The following ATP2B4 variants were observed in gnomAD, a reference collection of about 807,000 sequenced individuals.
ATP2B4 encodes the protein plasma membrane calcium-transporting ATPase 4.
In ATP2B4, 39 loss-of-function variants were observed where a neutral mutation model predicts 110.3. That is an observed-to-expected ratio of 0.35 (90% CI 0.27 to 0.46). ATP2B4 has a LOEUF of 0.46. Ranked by LOEUF, ATP2B4 falls within the 20% of genes least tolerant of loss-of-function variation. The pLI is 1.00. For synonymous variants in ATP2B4, 538 were observed against 571.7 expected, an observed-to-expected ratio of 0.94 and a Z score of 0.84; for missense variants, 1,135 against 1,530.9, an observed-to-expected ratio of 0.74 and a Z score of 4.32.
intron 20 of ATP2B4, 116 bp downstream of exon 20, chr1:203,727,687 C>G: frequency 4.7e-6 from 6 of 1,278,790 alleles, no homozygotes; most frequent in Middle Eastern, 2.8e-4. Context: ...AGGCTCACTA[C>G]TGATGGGCAG....
Position 203,739,794 on chromosome 1 carries a change from C to T in ATP2B4, c.3558C>T (p.Cys1186=), listed in dbSNP as rs777504310. The T allele has an allele frequency of 6.2e-7, 1 of 1,614,200 alleles. No homozygotes were observed. The highest frequency in any genetic ancestry group is 8.5e-7 in the Non-Finnish European group (1 of 1,180,032). ...ATACAAACAACAATGCGGTGGATTGCAACCAAGTGCAGCTCCCCCAGTCGG... is the reference window on the plus strand; with the variant it reads ...ATACAAACAACAATGCGGTGGATTGTAACCAAGTGCAGCTCCCCCAGTCGG... ...YANTNNNAVD[C]NQVQLPQSDS... is the part of the protein sequence containing the mutation. Residue 1186 remains cysteine (C), a synonymous_variant, in exon 21 of 21, where the codon TGC becomes TGT. Coordinates refer to ENST00000357681, the MANE Select transcript of ATP2B4 (RefSeq NM_001684.5).
chr1:203,687,997 T>TGATG (rs1558034473), intron 2 of ATP2B4, among the ~76,000 whole-genome samples: 12 of 52,960 alleles, frequency 2.3e-4, no homozygotes, highest in African/African-American at 8.9e-4. Flanking sequence ...AGAAAGAGAT[T>TGATG]ATTATTATTA....
At chr1:203,672,324 C>CTTTTTTTTTT (rs57144862) in intron 1 of ATP2B4, among the ~76,000 whole-genome samples, 8 of 79,624 alleles carry the variant, frequency 1.0e-4, no homozygotes, top group South Asian at 6.2e-4. Flanking sequence ...TGCGGTGGCT[C>CTTTTTTTTTT]TTTTTTTTTT....
intron 13 of ATP2B4, among the ~76,000 whole-genome samples, chr1:203,712,836 C>A (rs1666051513): frequency 6.6e-6 from 1 of 152,058 alleles, no homozygotes; most frequent in African/African-American, 2.4e-5. Flanking sequence ...GAAATCAAAC[C>A]TAAGACCTCA....
chr1:203,683,435 G>A (rs1275785465), intron 2 of ATP2B4, 37 bp downstream of exon 2: 2 of 1,533,272 alleles, frequency 1.3e-6, no homozygotes, highest in Non-Finnish European at 1.8e-6. Context: ...TTGGAGGAAG[G>A]TGGCTAGTGT....
At chr1:203,732,623 C>T (rs1023868323) in intron 20 of ATP2B4, among the ~76,000 whole-genome samples, 19 of 152,054 alleles carry the variant, frequency 1.2e-4, no homozygotes, top group Admixed American at 1.1e-3. Context: ...CGCAAAAATA[C>T]GTAGTCGGTT....
intron 1 of ATP2B4, among the ~76,000 whole-genome samples, chr1:203,646,770 T>A (rs1370901393): frequency 3.3e-5 from 5 of 151,694 alleles, no homozygotes; most frequent in African/African-American, 7.3e-5. Flanking sequence ...TCAAAAAAAA[T>A]AAATAAAAAT....
At chr1:203,634,734 A>G (rs980611638) in intron 1 of ATP2B4, among the ~76,000 whole-genome samples, 3 of 151,498 alleles carry the variant, frequency 2.0e-5, no homozygotes, top group Non-Finnish European at 2.9e-5. Flanking sequence ...CACAATCACA[A>G]CTCACAGCAG....
intron 13 of ATP2B4, 104 bp downstream of exon 13, chr1:203,712,243 G>A: frequency 7.5e-7 from 1 of 1,330,008 alleles, no homozygotes; most frequent in Admixed American, 2.3e-5. Flanking sequence ...GGTTTCTAAA[G>A]TGAAAGCTAT....
chr1:203,729,992 G>A (rs376755967), intron 20 of ATP2B4, among the ~76,000 whole-genome samples: 33 of 152,242 alleles, frequency 2.2e-4, no homozygotes, highest in African/African-American at 7.7e-4. Flanking sequence ...TCCAGGAGAC[G>A]GCTTGGCCAG....
chr1:203,637,573 T>G (rs755212859), intron 1 of ATP2B4, among the ~76,000 whole-genome samples: 5 of 152,128 alleles, frequency 3.3e-5, no homozygotes, highest in Non-Finnish European at 7.4e-5. Context: ...CTGCAGAGAT[T>G]AGGTTTTCAT....
chr1:203,740,501 A>G lies in ATP2B4; in HGVS notation c.*647A>G, dbSNP rs572277518. On this transcript the variant is annotated 3_prime_UTR_variant, in exon 21 of 21. Coordinates refer to ENST00000357681, the MANE Select transcript of ATP2B4 (RefSeq NM_001684.5). ...TGGAAAGGATATGGATGAATTGTGT[A>G]AACTTAGATCCTTCTCCCTTTTGGC... 4.6e-5 allele frequency: 7 copies of G among 150,776 alleles called. No homozygotes were observed. In the South Asian group the frequency reaches 6.3e-4, roughly 14 times the overall value. 9.3% of individuals were successfully genotyped at this position (150,776 alleles called of 1,614,324 possible).
chr1:203,649,007 G>C (rs1009029095), intron 1 of ATP2B4, among the ~76,000 whole-genome samples: 2 of 152,094 alleles, frequency 1.3e-5, no homozygotes, highest in African/African-American at 4.8e-5. Context: ...TACAGGGTAA[G>C]GTAAGTGACA....
intron 1 of ATP2B4, among the ~76,000 whole-genome samples, chr1:203,674,637 C>CTTTTTTTTT (rs57153257): frequency 2.2e-5 from 1 of 46,228 alleles, no homozygotes; most frequent in African/African-American, 8.6e-5. Context: ...CCACACCTGG[C>CTTTTTTTTT]TTTTTTTTTT....
chr1:203,724,504 A>G (rs1666444563), intron 19 of ATP2B4, among the ~76,000 whole-genome samples: 1 of 151,900 alleles, frequency 6.6e-6, no homozygotes, highest in Admixed American at 6.6e-5. Context: ...GCGACAGAGC[A>G]AGACTCAGTG....
intron 2 of ATP2B4, among the ~76,000 whole-genome samples, chr1:203,696,596 A>G (rs140810838): frequency 6.6e-6 from 1 of 152,370 alleles, no homozygotes; most frequent in East Asian, 1.9e-4. Context: ...TTGAACACCA[A>G]CTGGCATTAA....
intron 1 of ATP2B4, among the ~76,000 whole-genome samples, chr1:203,677,561 C>A (rs1664865525): frequency 6.6e-6 from 1 of 152,182 alleles, no homozygotes. Context: ...CTCCCAGGTT[C>A]AAGTGATTCT....
chr1:203,707,135 T>A lies in ATP2B4; in HGVS notation c.1226T>A (p.Phe409Tyr). ...TPIYIQYFVK[F>Y]FIIGITVLVV... ...ATCTACATCCAGTACTTTGTCAAGT[T>A]CTTCATCATCGGCATCACTGTACTG... The change falls in exon 9 of 21, where the codon TTC becomes TAC. Residue 409 changes from phenylalanine (F) to tyrosine (Y), a missense_variant. Physicochemically the swap from Phe to Tyr is conservative, Grantham distance 22 (BLOSUM62 3). Transcript: ENST00000357681. 1 of 1,614,194 alleles carries A rather than the reference T, an allele frequency of 6.2e-7. No individual in the cohort carries two copies. The highest frequency in any genetic ancestry group is 8.5e-7 in the Non-Finnish European group (1 of 1,180,022).
At chr1:203,713,590 G>A (rs1439630728) in intron 14 of ATP2B4, among the ~76,000 whole-genome samples, 5 of 151,910 alleles carry the variant, frequency 3.3e-5, no homozygotes, top group Admixed American at 1.3e-4. Flanking sequence ...TCAGCCTCCC[G>A]AGTAGCTGGG....
Sources: allele counts gnomAD v4.1 joint callset (sites outside exome capture counted in the v4.1 genomes callset), GRCh38; gene constraint gnomAD v4.1.1; transcripts MANE v1.5; gene names NCBI Gene and HGNC (gene_info 2026-07-23, HGNC 2026-07-21).